Variants in DMRT1 observed in about 807,000 individuals in gnomAD.
DMRT1 encodes the protein doublesex and mab-3 related transcription factor 1.
In DMRT1, 7 loss-of-function variants were observed where a neutral mutation model predicts 32.3. The observed-to-expected ratio is 0.22, with a 90% CI of 0.12 to 0.41. The LOEUF (loss-of-function observed/expected upper bound fraction) is 0.41, where lower values mean the gene tolerates loss of function less well. Ranked by LOEUF, DMRT1 falls within the 10% of genes least tolerant of loss-of-function variation. DMRT1 has a pLI of 1.00. For synonymous variants in DMRT1, 278 were observed against 206.1 expected, an observed-to-expected ratio of 1.35 and a Z score of -2.99; for missense variants, 625 against 500.5, an observed-to-expected ratio of 1.25 and a Z score of -2.37.
At chr9:864,665 AT>A (rs5895868) in intron 2 of DMRT1, among the ~76,000 whole-genome samples, 5 of 150,794 alleles carry the variant, frequency 3.3e-5, no homozygotes, top group East Asian at 2.0e-4. Flanking sequence ...CGCCTGGCTA[AT>A]TTTTTTTGTA....
intron 2 of DMRT1, among the ~76,000 whole-genome samples, chr9:854,181 A>G (rs1815289035): frequency 6.6e-6 from 1 of 151,772 alleles, no homozygotes; most frequent in Admixed American, 6.6e-5. Context: ...CAGTGGCACA[A>G]TCATAGCTCA....
chr9:856,358 A>G (rs1384068818), intron 2 of DMRT1, among the ~76,000 whole-genome samples: 1 of 152,224 alleles, frequency 6.6e-6, no homozygotes, highest in Non-Finnish European at 1.5e-5. Context: ...CACAGTCACA[A>G]GAATCTGGTT....
chr9:850,374 C>T, intron 2 of DMRT1, among the ~76,000 whole-genome samples: 1 of 152,142 alleles, frequency 6.6e-6, no homozygotes, highest in Non-Finnish European at 1.5e-5. Flanking sequence ...AGCTTGTATG[C>T]AGCAAAGGGA....
intron 2 of DMRT1, among the ~76,000 whole-genome samples, chr9:855,097 G>C (rs1221182700): frequency 6.6e-6 from 1 of 151,852 alleles, no homozygotes; most frequent in Admixed American, 6.6e-5. Flanking sequence ...GCCTATTTTA[G>C]ATAGTGTCTC....
chr9:849,784 C>G (rs1452413487), intron 2 of DMRT1, among the ~76,000 whole-genome samples: 3 of 100,796 alleles, frequency 3.0e-5, no homozygotes, highest in Non-Finnish European at 4.5e-5. Context: ...AAGTATGGCT[C>G]CGGGAGCCTT....
chr9:945,147 CT>C (rs1464769476), intron 4 of DMRT1, among the ~76,000 whole-genome samples: 2 of 151,886 alleles, frequency 1.3e-5, no homozygotes, highest in African/African-American at 2.4e-5. Flanking sequence ...ATGTTTTTGT[CT>C]TTCTTTCTTT....
intron 2 of DMRT1, among the ~76,000 whole-genome samples, chr9:878,981 A>G (rs560824842): frequency 5.3e-4 from 81 of 152,294 alleles, no homozygotes; most frequent in African/African-American, 1.8e-3. Flanking sequence ...CTGCCTGGCC[A>G]TATTGTGTCA....
intron 4 of DMRT1, 64 bp downstream of exon 4, chr9:916,971 C>T: frequency 6.4e-7 from 1 of 1,569,868 alleles, no homozygotes. Context: ...AGTATTGGGT[C>T]ATTAGCTGTG....
At chr9:928,307 G>A (rs1166173712) in intron 4 of DMRT1, among the ~76,000 whole-genome samples, 1 of 152,172 alleles carries the variant, frequency 6.6e-6, no homozygotes, top group Non-Finnish European at 1.5e-5. Flanking sequence ...TCTCTGTTAA[G>A]TATAGCAGGA....
intron 4 of DMRT1, among the ~76,000 whole-genome samples, chr9:937,053 G>T (rs533607585): frequency 6.6e-6 from 1 of 152,082 alleles, no homozygotes; most frequent in East Asian, 1.9e-4. Flanking sequence ...CCATCTTTAT[G>T]AATTTGCCTA....
At chr9:922,428 C>T (rs1818385235) in intron 4 of DMRT1, among the ~76,000 whole-genome samples, 2 of 151,832 alleles carry the variant, frequency 1.3e-5, no homozygotes, top group Admixed American at 1.3e-4. Flanking sequence ...ATGATGCTTC[C>T]CCAGCTGGTG....
At chr9:956,868 A>G (rs924402552) in intron 4 of DMRT1, among the ~76,000 whole-genome samples, 1 of 152,196 alleles carries the variant, frequency 6.6e-6, no homozygotes, top group African/African-American at 2.4e-5. Context: ...TTGTTCTGAG[A>G]AGCCCCTTAA....
chr9:923,693 C>A (rs72701020), intron 4 of DMRT1, among the ~76,000 whole-genome samples: 4 of 152,084 alleles, frequency 2.6e-5, no homozygotes, highest in Non-Finnish European at 4.4e-5. Context: ...CAGAGGGCTG[C>A]GTTTGTTATG....
intron 4 of DMRT1, among the ~76,000 whole-genome samples, chr9:933,274 T>C (rs930638939): frequency 1.3e-5 from 2 of 152,198 alleles, no homozygotes; most frequent in African/African-American, 4.8e-5. Context: ...GCCCCCATCC[T>C]GATGTTATCT....
intron 3 of DMRT1, among the ~76,000 whole-genome samples, chr9:910,834 ATAG>A (rs1817947235): frequency 6.6e-6 from 1 of 152,120 alleles, no homozygotes; most frequent in Non-Finnish European, 1.5e-5. Flanking sequence ...GCTAATAATA[ATAG>A]TAGTCATCAT....
intron 4 of DMRT1, among the ~76,000 whole-genome samples, chr9:935,770 A>G (rs1471536623): frequency 6.6e-6 from 1 of 152,214 alleles, no homozygotes; most frequent in Non-Finnish European, 1.5e-5. Context: ...GTTTATATCC[A>G]TCCAAGTGGT....
At chr9:925,294 G>T (rs546267828) in intron 4 of DMRT1, among the ~76,000 whole-genome samples, 2 of 152,338 alleles carry the variant, frequency 1.3e-5, no homozygotes, top group South Asian at 4.1e-4. Flanking sequence ...AGGTATTCCA[G>T]TGAAGCATTC....
At chr9:846,832 A>T in intron 1 of DMRT1, 128 bp from the exon 2 acceptor site, 1 of 1,190,886 alleles carries the variant, frequency 8.4e-7, no homozygotes, top group South Asian at 1.2e-5. Flanking sequence ...TTTAAGAAGA[A>T]ATGGGAGATT....
chr9:845,943 G>A (rs977134152), intron 1 of DMRT1, among the ~76,000 whole-genome samples: 2 of 152,090 alleles, frequency 1.3e-5, no homozygotes, highest in African/African-American at 4.8e-5. Context: ...TCTTCTGTAG[G>A]AGTGAAAGGT....
Sources: allele counts gnomAD v4.1 joint callset (sites outside exome capture counted in the v4.1 genomes callset), GRCh38; gene constraint gnomAD v4.1.1; transcripts MANE v1.5; gene names NCBI Gene and HGNC (gene_info 2026-07-23, HGNC 2026-07-21).